Variants in SLIT3 observed in about 807,000 individuals in gnomAD.
The protein encoded by SLIT3 is slit homolog 3 protein.
A neutral mutation model predicts 184.0 loss-of-function variants in SLIT3; 68 were observed. That is an observed-to-expected ratio of 0.37 (90% confidence interval 0.30 to 0.45). The LOEUF (loss-of-function observed/expected upper bound fraction) is 0.45. Among genes scored for constraint, SLIT3 ranks in the 20% least tolerant of loss-of-function variants. The pLI is 1.00. For synonymous variants in SLIT3, 831 were observed against 828.6 expected (o/e 1.00, Z -0.05); for missense variants, 1,707 against 2,026.0 (o/e 0.84, Z 3.02).
At chr5:169,106,622 C>G (rs538899552) in intron 4 of SLIT3, among the ~76,000 whole-genome samples, 1 of 152,302 alleles carries the variant, frequency 6.6e-6, no homozygotes, top group Non-Finnish European at 1.5e-5. Context: ...ATCTTTGTCT[C>G]AGTTCTGAGC....
intron 9 of SLIT3, among the ~76,000 whole-genome samples, chr5:168,803,757 G>A (rs1013479433): frequency 6.6e-6 from 1 of 152,156 alleles, no homozygotes; most frequent in Admixed American, 6.5e-5. Flanking sequence ...CAGATGGAAG[G>A]AGAAAAGAAT....
chr5:169,204,213 A>T (rs1243854834), intron 3 of SLIT3, among the ~76,000 whole-genome samples: 3 of 151,918 alleles, frequency 2.0e-5, no homozygotes, highest in African/African-American at 7.3e-5. Context: ...GGGAGGGAGG[A>T]ACTGGTTAGC....
chr5:168,860,178 G>T (rs1759050151), intron 5 of SLIT3, among the ~76,000 whole-genome samples: 1 of 152,132 alleles, frequency 6.6e-6, no homozygotes, highest in African/African-American at 2.4e-5. Context: ...TTCAACAGAA[G>T]AAGAAAGTAA....
chr5:169,074,007 G>T (rs1265163606), intron 4 of SLIT3, among the ~76,000 whole-genome samples: 1 of 152,158 alleles, frequency 6.6e-6, no homozygotes, highest in African/African-American at 2.4e-5. Flanking sequence ...GAATAGTACC[G>T]CAAGGGAATA....
Position 168,687,048 on chromosome 5 carries a change from T to C in SLIT3, c.3245A>G (p.Lys1082Arg). The change falls in exon 30 of 36, where the codon AAG (lysine) becomes AGG (arginine). Residue 1082 changes from lysine (K) to arginine (R), a missense_variant. By Grantham distance (26) the Lys-to-Arg change is conservative. Around this residue, in one of 3 missense-constraint regions of SLIT3, gnomAD observed 1,307 missense variants for 1,511.6 expected, o/e 0.86. Transcript: ENST00000519560. Reference protein sequence around the residue: ...ETDNDDCVAHKCRHGAQCVDT... With the variant: ...ETDNDDCVAHRCRHGAQCVDT... ...CACGCACTGGGCCCCGTGGCGGCAC[T>C]TGTGGGCCACACAGTCATCATTGTC... 6 of 1,614,266 alleles carry C rather than the reference T, an allele frequency of 3.7e-6. No homozygotes were observed. Among genetic ancestry groups the C allele is most frequent in the Non-Finnish European group, 5.1e-6 (6 of 1,180,042 alleles).
At chr5:169,124,403 A>T (rs923076556) in intron 4 of SLIT3, among the ~76,000 whole-genome samples, 12 of 152,310 alleles carry the variant, frequency 7.9e-5, no homozygotes, top group Admixed American at 5.9e-4. Context: ...AGAACAAGAC[A>T]TTCCTTTGGG....
intron 1 of SLIT3, among the ~76,000 whole-genome samples, chr5:169,265,538 T>C (rs1766364320): frequency 1.3e-5 from 2 of 152,206 alleles, no homozygotes; most frequent in African/African-American, 4.8e-5. Flanking sequence ...AGATCCCTGC[T>C]GCCAAACATA....
chr5:168,896,728 AGAG>A (rs1760677261), intron 4 of SLIT3, among the ~76,000 whole-genome samples: 1 of 152,252 alleles, frequency 6.6e-6, no homozygotes, highest in Non-Finnish European at 1.5e-5. Context: ...ATTGCTGTGC[AGAG>A]GAGAAGTTGG....
At chr5:168,798,200 G>A (rs1055556509) in intron 9 of SLIT3, among the ~76,000 whole-genome samples, 2 of 137,584 alleles carry the variant, frequency 1.5e-5, no homozygotes, top group African/African-American at 3.0e-5. Context: ...TCTGGCTTTT[G>A]GTTTTCTTTT....
At chr5:169,209,503 A>T (rs1440549813) in intron 3 of SLIT3, among the ~76,000 whole-genome samples, 1 of 152,232 alleles carries the variant, frequency 6.6e-6, no homozygotes, top group Non-Finnish European at 1.5e-5. Flanking sequence ...ATGTATGTTT[A>T]TTGCAGCACT....
At chr5:168,964,141 T>C (rs1057008857) in intron 4 of SLIT3, among the ~76,000 whole-genome samples, 2 of 152,248 alleles carry the variant, frequency 1.3e-5, no homozygotes, top group African/African-American at 4.8e-5. Context: ...TTCCTGCTGA[T>C]AAATGGTGAG....
At chr5:169,251,737 A>C (rs1423348843) in intron 1 of SLIT3, among the ~76,000 whole-genome samples, 2 of 151,748 alleles carry the variant, frequency 1.3e-5, no homozygotes, top group African/African-American at 2.4e-5. Context: ...CCCTCCCCCA[A>C]CTCTCAGATC....
At chr5:168,817,519 T>C (rs2113657096) in intron 7 of SLIT3, 56 bp from the exon 8 acceptor site, 2 of 1,574,380 alleles carry the variant, frequency 1.3e-6, no homozygotes, top group Non-Finnish European at 1.7e-6. Flanking sequence ...GTGGAGGCTG[T>C]CACTGGCCAG....
intron 4 of SLIT3, among the ~76,000 whole-genome samples, chr5:169,132,657 T>A (rs1761349187): frequency 6.6e-6 from 1 of 152,284 alleles, no homozygotes; most frequent in African/African-American, 2.4e-5. Context: ...TCAAAAAGCA[T>A]GTTCCGTATC....
chr5:169,218,228 C>T (rs777865248), intron 3 of SLIT3, among the ~76,000 whole-genome samples: 2 of 152,180 alleles, frequency 1.3e-5, no homozygotes, highest in Non-Finnish European at 2.9e-5. Context: ...TTTGCTTAAT[C>T]ATCATTATCT....
chr5:168,884,825 T>C (rs897305109), intron 4 of SLIT3, among the ~76,000 whole-genome samples: 2 of 151,896 alleles, frequency 1.3e-5, no homozygotes, highest in Non-Finnish European at 2.9e-5. Context: ...TTGGGGACAC[T>C]TGTCTAACTA....
chr5:168,907,666 C>T (rs1761097320), intron 4 of SLIT3, among the ~76,000 whole-genome samples: 1 of 151,926 alleles, frequency 6.6e-6, no homozygotes, highest in Non-Finnish European at 1.5e-5. Flanking sequence ...TAGCATAGCA[C>T]ATTTTGGAAA....
At chr5:168,666,782 C>A in intron 35 of SLIT3, 93 bp from the exon 36 acceptor site, 1 of 1,577,312 alleles carries the variant, frequency 6.3e-7, no homozygotes, top group Non-Finnish European at 8.6e-7. Context: ...AATACTTGTG[C>A]TCTGAAGACT....
chr5:168,675,151 C>T (rs569907194), intron 32 of SLIT3, among the ~76,000 whole-genome samples: 1 of 152,254 alleles, frequency 6.6e-6, no homozygotes, highest in South Asian at 2.1e-4. Flanking sequence ...ACACCTCTTC[C>T]TTCCCTGAAG....
Sources: allele counts gnomAD v4.1 joint callset (sites outside exome capture counted in the v4.1 genomes callset), GRCh38; gene constraint gnomAD v4.1.1; regional missense constraint gnomAD v4.1.1; transcripts MANE v1.5; gene names NCBI Gene and HGNC (gene_info 2026-07-23, HGNC 2026-07-21).